The following KCNQ2 variants were observed in gnomAD, a reference collection of about 807,000 sequenced individuals.
KCNQ2 encodes the protein potassium voltage-gated channel subfamily KQT member 2.
KCNQ2 carries 14 observed loss-of-function variants against 84.8 expected under a neutral mutation model. The observed-to-expected ratio is 0.17, with a 90% CI of 0.11 to 0.26. The LOEUF (loss-of-function observed/expected upper bound fraction) is 0.26, where lower values mean the gene tolerates loss of function less well. Ranked by LOEUF, KCNQ2 falls within the 10% of genes least tolerant of loss-of-function variation. KCNQ2 has a pLI of 1.00. For synonymous variants in KCNQ2, 599 were observed against 554.1 expected (o/e 1.08, Z -1.14); for missense variants, 788 against 1,254.0 (o/e 0.63, Z 5.61).
chr20:63,449,832 C>A (rs959102243), intron 1 of KCNQ2, among the ~76,000 whole-genome samples: 1 of 151,868 alleles, frequency 6.6e-6, no homozygotes, highest in African/African-American at 2.4e-5. Flanking sequence ...GGCACAAACC[C>A]GGGGCCCCCA....
rs1056419297 is a variant in KCNQ2 at position 63,438,185 on chromosome 20, C to T, written c.1023+440G>A. The stretch of plus-strand genomic sequence containing the variant: ...GTGGTCACTGCACGCTACCCACCCC[C>T]AAATGGTGGGACGGCACTGGGTGGG... On this transcript the variant is annotated intron_variant, in intron 7 of 16. Coordinates refer to ENST00000359125, the MANE Select transcript of KCNQ2 (RefSeq NM_172107.4). This position sits in a 1 kb window ranked among gnomAD's most constrained non-coding sequence, Gnocchi z 5.1. The T allele has an allele frequency of 2.2e-5, 6 of 277,210 alleles. No homozygotes were observed. The highest frequency in any genetic ancestry group is 3.6e-5 in the Non-Finnish European group (5 of 140,580). 17.2% of individuals were successfully genotyped at this position (277,210 alleles called of 1,614,324 possible).
At chr20:63,422,075 G>C (rs1601597824) in intron 11 of KCNQ2, among the ~76,000 whole-genome samples, 1 of 152,144 alleles carries the variant, frequency 6.6e-6, no homozygotes, top group East Asian at 1.9e-4. Context: ...CACCAGCGGG[G>C]TCCTGCCATG....
At chr20:63,456,443 G>A (rs1405679154) in intron 1 of KCNQ2, among the ~76,000 whole-genome samples, 1 of 152,110 alleles carries the variant, frequency 6.6e-6, no homozygotes, top group Non-Finnish European at 1.5e-5. Context: ...AGTTGGCCAG[G>A]GCTGTTCATC....
intron 8 of KCNQ2, 158 bp downstream of exon 8, chr20:63,433,651 C>T: frequency 7.2e-7 from 1 of 1,384,032 alleles, no homozygotes; most frequent in East Asian, 2.3e-5. Context: ...GCAGAAGCAA[C>T]GCCTCGAAAT....
rs535158058 is a variant in KCNQ2 at position 63,438,219 on chromosome 20, G to A, written c.1023+406C>T. On this transcript the variant is annotated intron_variant, in intron 7 of 16. Transcript: ENST00000359125. This position sits in a 1 kb window ranked among gnomAD's most constrained non-coding sequence, Gnocchi z 5.1. ...GGACGGCACTGGGTGGGGTCCGGGC[G>A]GGCATCATGGGGGCCCACAGCCAGC... 2.8e-5 allele frequency: 9 copies of A among 317,902 alleles called. No individual in the cohort carries two copies. The East Asian group carries it at 5.2e-4, about 18-fold the overall frequency. The allele number at this position is 317,902 out of a possible 1,614,324, so 19.7% of individuals were successfully genotyped here. A position where few individuals can be genotyped will look rare whatever the true frequency, so the allele number is the denominator to read the frequency against.
intron 4 of KCNQ2, among the ~76,000 whole-genome samples, chr20:63,442,905 CCACCATCACCAT>C (rs200636870): frequency 0.14 from 4,793 of 33,690 alleles, 23 homozygotes; most frequent in Non-Finnish European, 0.19. Context: ...ACCATCACCA[CCACCATCACCAT>C]CACCACCATC....
In KCNQ2 at chr20:63,407,201, T is replaced by C; in HGVS notation, c.2062A>G (p.Lys688Glu). Residue 688 changes from lysine (K) to glutamate (E), a missense_variant, in exon 17 of 17, where the codon AAG (lysine) becomes GAG (glutamate). Physicochemically the swap from Lys to Glu is moderately conservative, Grantham distance 56. Around this residue, in one of 8 missense-constraint regions of KCNQ2, gnomAD observed 378 missense variants for 434.5 expected, o/e 0.87. Transcript: ENST00000359125. The surrounding 1 kb of genome is among the most constrained non-coding windows in gnomAD (Gnocchi z 7.2). Reference protein sequence around the residue: ...EHVDRHGCIVKIVRSSSSTGQ... With the variant: ...EHVDRHGCIVEIVRSSSSTGQ... ...GTGGAGCTGCTGGAGCGCACGATCT[T>C]GACAATGCAGCCGTGCCTGTCGACA... 6.2e-7 allele frequency: 1 copy of C among 1,606,194 alleles called. No homozygotes were observed. The highest frequency in any genetic ancestry group is 8.5e-7 in the Non-Finnish European group (1 of 1,179,576).
At position 63,472,235 on chromosome 20, in the gene KCNQ2, G is replaced by A. The variant is rs1288106679; in HGVS notation, c.229C>T (p.Leu77=). ...PPKRNAFYRK[L]QNFLYNVLER... is the part of the protein sequence containing the mutation. ...AGCACGTTGTAGAGGAAATTCTGCA[G>A]CTTGCGGTAGAAGGCGTTGCGCTTG... The change falls in exon 1 of 17, where the codon CTG becomes TTG. Residue 77 remains leucine (L), a synonymous_variant. Coordinates refer to ENST00000359125, the MANE Select transcript of KCNQ2 (RefSeq NM_172107.4). 1 of 1,543,100 alleles carries A rather than the reference G, an allele frequency of 6.5e-7. No homozygotes were observed. The highest frequency in any genetic ancestry group is 1.7e-4 in the Middle Eastern group (1 of 5,960).
chr20:63,462,906 C>T (rs1292442264), intron 1 of KCNQ2, among the ~76,000 whole-genome samples: 1 of 152,212 alleles, frequency 6.6e-6, no homozygotes. Flanking sequence ...CACAGACACA[C>T]ACATGCTGTA....
At chr20:63,432,946 G>A (rs2080873163) in intron 8 of KCNQ2, among the ~76,000 whole-genome samples, 1 of 152,192 alleles carries the variant, frequency 6.6e-6, no homozygotes, top group Non-Finnish European at 1.5e-5. Flanking sequence ...AGGTGACGGG[G>A]GGCGCGGGAG....
At chr20:63,443,466 TCACCACCATCATCAC>T (rs2081318702) in intron 4 of KCNQ2, among the ~76,000 whole-genome samples, 6 of 30,940 alleles carry the variant, frequency 1.9e-4, no homozygotes, top group Non-Finnish European at 3.3e-4. Flanking sequence ...ATCACCACCA[TCACCACCATCATCAC>T]CACCACCATC....
chr20:63,466,878 C>T (rs926759928), intron 1 of KCNQ2, among the ~76,000 whole-genome samples: 2 of 152,194 alleles, frequency 1.3e-5, no homozygotes, highest in Non-Finnish European at 2.9e-5. Flanking sequence ...GTCCACAGAC[C>T]GCGCACACAC....
intron 1 of KCNQ2, among the ~76,000 whole-genome samples, chr20:63,454,495 G>A (rs2081716322): frequency 6.6e-6 from 1 of 152,182 alleles, no homozygotes; most frequent in South Asian, 2.1e-4. Flanking sequence ...CCGGTGCCTC[G>A]GCCGTGGCTC....
At chr20:63,465,876 C>T (rs1419394816) in intron 1 of KCNQ2, among the ~76,000 whole-genome samples, 1 of 152,218 alleles carries the variant, frequency 6.6e-6, no homozygotes, top group Non-Finnish European at 1.5e-5. Context: ...CTCGACGCTC[C>T]GTGCTAAAGG....
At chr20:63,463,162 C>G (rs1171575262) in intron 1 of KCNQ2, among the ~76,000 whole-genome samples, 1 of 151,960 alleles carries the variant, frequency 6.6e-6, no homozygotes, top group African/African-American at 2.4e-5. Flanking sequence ...CTCAGGAGGT[C>G]AAGGCAGGAG....
intron 1 of KCNQ2, among the ~76,000 whole-genome samples, chr20:63,450,254 C>G (rs966433846): frequency 6.6e-6 from 1 of 151,500 alleles, no homozygotes; most frequent in Admixed American, 6.6e-5. Context: ...GAAACCCTGG[C>G]TGCTCTTCCA....
intron 1 of KCNQ2, among the ~76,000 whole-genome samples, chr20:63,450,212 C>T (rs2081568228): frequency 6.7e-6 from 1 of 150,316 alleles, no homozygotes; most frequent in African/African-American, 2.4e-5. Context: ...GTGCCCCAAA[C>T]CCTCTTCCCA....
intron 15 of KCNQ2, among the ~76,000 whole-genome samples, chr20:63,412,708 C>T (rs2080157057): frequency 6.6e-6 from 1 of 152,234 alleles, no homozygotes; most frequent in Non-Finnish European, 1.5e-5. Flanking sequence ...AGGGGCCCAG[C>T]CTCGCTTCCA....
intron 15 of KCNQ2, chr20:63,413,241 C>T (rs535334250): frequency 6.6e-6 from 4 of 605,476 alleles, no homozygotes; most frequent in East Asian, 2.9e-5. Flanking sequence ...TTGCCCACCG[C>T]GGTGTGGATG....
Sources: allele counts gnomAD v4.1 joint callset (sites outside exome capture counted in the v4.1 genomes callset), GRCh38; gene constraint gnomAD v4.1.1; regional missense constraint gnomAD v4.1.1; non-coding constraint Gnocchi (gnomAD v3.1); transcripts MANE v1.5; gene names NCBI Gene and HGNC (gene_info 2026-07-23, HGNC 2026-07-21).